MRPL22: variants seen among roughly 807,000 people sequenced by gnomAD.
The protein encoded by MRPL22 is mitochondrial ribosomal protein L22, also known as large ribosomal subunit protein uL22m.
MRPL22 carries 27 observed loss-of-function variants against 32.4 expected under a neutral mutation model. That is an observed-to-expected ratio of 0.83 (90% CI 0.61 to 1.15). The LOEUF is 1.15. Ranked by LOEUF, MRPL22 falls within the 50% of genes most tolerant of loss-of-function variation. The pLI is 0.00. For synonymous variants in MRPL22, 86 were observed against 87.3 expected (o/e 0.99, Z 0.08); for missense variants, 239 against 260.2 (o/e 0.92, Z 0.56).
intron 6 of MRPL22, among the ~76,000 whole-genome samples, chr5:154,964,975 T>G (rs888666346): frequency 2.0e-5 from 3 of 152,206 alleles, no homozygotes; most frequent in Non-Finnish European, 4.4e-5. Flanking sequence ...TGGGGTTTCC[T>G]TATAAAGTGA....
intron 5 of MRPL22, among the ~76,000 whole-genome samples, chr5:154,957,914 C>CTTTT (rs912216773): frequency 4.0e-4 from 48 of 120,856 alleles, no homozygotes; most frequent in African/African-American, 6.3e-4. Context: ...ATATATTTTT[C>CTTTT]TTTTTTTTTT....
In MRPL22 at chr5:154,967,245, A is replaced by G. The variant is rs543227533; in HGVS notation, c.*348A>G. 2 of 206,692 alleles carry G rather than the reference A, an allele frequency of 9.7e-6. No homozygotes were observed. The highest frequency in any genetic ancestry group is 1.8e-4 in the South Asian group (2 of 11,094). The allele number at this position is 206,692 out of a possible 1,614,324, so 12.8% of individuals were successfully genotyped here. A position where few individuals can be genotyped will look rare whatever the true frequency, so the allele number is the denominator to read the frequency against. ...TGAATACAGTGTTATGAGGTAAGAAAATTGCTTTTATTTCACTTAATTTTC... is the reference window on the plus strand; with the variant it reads ...TGAATACAGTGTTATGAGGTAAGAAGATTGCTTTTATTTCACTTAATTTTC... On this transcript the variant is annotated 3_prime_UTR_variant, in exon 7 of 7. Transcript: ENST00000523037. The surrounding 1 kb of genome is among the most constrained non-coding windows in gnomAD (Gnocchi z 4.7).
intron 2 of MRPL22, among the ~76,000 whole-genome samples, chr5:154,949,704 G>A (rs904922134): frequency 5.3e-5 from 8 of 152,138 alleles, no homozygotes; most frequent in Non-Finnish European, 8.8e-5. Context: ...GGGGAGTAGC[G>A]GATGCTGGGG....
At chr5:154,947,711 C>T (rs954665479) in intron 2 of MRPL22, among the ~76,000 whole-genome samples, 2 of 152,158 alleles carry the variant, frequency 1.3e-5, no homozygotes, top group African/African-American at 4.8e-5. Flanking sequence ...TTTAAATGCT[C>T]AACATCTGTA....
intron 2 of MRPL22, among the ~76,000 whole-genome samples, chr5:154,948,326 C>T (rs1054418276): frequency 1.3e-5 from 2 of 152,158 alleles, no homozygotes; most frequent in African/African-American, 2.4e-5. Context: ...CCAATGGCTT[C>T]GTAACTGTCA....
chr5:154,953,362 GAAAAAAA>G (rs573134537), intron 3 of MRPL22, among the ~76,000 whole-genome samples: 28 of 69,264 alleles, frequency 4.0e-4, no homozygotes, highest in Admixed American at 2.6e-3. Context: ...CGTCTCAGGA[GAAAAAAA>G]AAAAAAAAAA....
In MRPL22 at chr5:154,953,681, CTT is replaced by C. The variant is rs772873962; in HGVS notation, c.196-2668_196-2667del. ...GAATCTCATAAAGCTCTAGTAAGAA[CTT>C]TTTTTTTTTTTTTTTTTTTTTGAGA... On this transcript the variant is annotated intron_variant, in intron 3 of 6. Transcript: ENST00000523037. 8.8e-4 allele frequency among the ~76,000 whole-genome samples: 94 copies of C among 107,090 alleles called. 1 individual carries two copies. Among genetic ancestry groups the C allele is most frequent in the African/African-American group, 2.2e-3 (63 of 28,992 alleles). 70.3% of individuals were successfully genotyped at this position (107,090 alleles called of 152,430 possible).
chr5:154,950,021 G>C (rs1764538192), intron 2 of MRPL22, among the ~76,000 whole-genome samples: 1 of 152,122 alleles, frequency 6.6e-6, no homozygotes, highest in South Asian at 2.1e-4. Context: ...ACCTGAGACT[G>C]GGTAACTCAT....
rs1764790329 is a variant in MRPL22, at chr5:154,967,929, T to A, written c.*1032T>A. On this transcript the variant is annotated 3_prime_UTR_variant, in exon 7 of 7. Coordinates refer to ENST00000523037, the MANE Select transcript of MRPL22 (RefSeq NM_014180.4). The surrounding 1 kb of genome is among the most constrained non-coding windows in gnomAD (Gnocchi z 4.7). ...AATTCTGTTGTAGGGGACTACGCTTTGAGAATACGGCTTTAGGAGAATGAA... is the reference window on the plus strand; with the variant it reads ...AATTCTGTTGTAGGGGACTACGCTTAGAGAATACGGCTTTAGGAGAATGAA... 1 of 152,224 alleles carries A rather than the reference T, an allele frequency of 6.6e-6. No individual in the cohort carries two copies. The highest frequency in any genetic ancestry group is 2.1e-4 in the South Asian group (1 of 4,836). The allele number at this position is 152,224 out of a possible 1,614,324, so 9.4% of individuals were successfully genotyped here.
intron 6 of MRPL22, among the ~76,000 whole-genome samples, chr5:154,963,948 A>T (rs1245519433): frequency 1.3e-5 from 2 of 152,142 alleles, no homozygotes; most frequent in African/African-American, 4.8e-5. Flanking sequence ...CATAGGTTGG[A>T]ATAAGCAGTA....
At chr5:154,958,538 C>CTTTTTTT (rs201113350) in intron 5 of MRPL22, among the ~76,000 whole-genome samples, 60 of 83,304 alleles carry the variant, frequency 7.2e-4, no homozygotes, top group East Asian at 1.2e-3. Flanking sequence ...TGACAATTGT[C>CTTTTTTT]TTTTTTTTTT....
At chr5:154,957,052 ATTATG>A in intron 4 of MRPL22, 78 bp from the exon 5 acceptor site, 1 of 1,308,642 alleles carries the variant, frequency 7.6e-7, no homozygotes, top group Admixed American at 2.0e-5. Flanking sequence ...AGTTACTCAA[ATTATG>A]TAAGACTTTC....
intron 2 of MRPL22, among the ~76,000 whole-genome samples, chr5:154,947,282 G>T (rs188085876): frequency 2.0e-5 from 3 of 152,160 alleles, no homozygotes; most frequent in Non-Finnish European, 4.4e-5. Flanking sequence ...AGGTCTGCTC[G>T]ACTCTGTAGC....
At chr5:154,953,954 G>A (rs1208881103) in intron 3 of MRPL22, among the ~76,000 whole-genome samples, 3 of 150,770 alleles carry the variant, frequency 2.0e-5, no homozygotes, top group Admixed American at 6.6e-5. Flanking sequence ...CCAAAGTGTT[G>A]GGATTACAGA....
intron 3 of MRPL22, chr5:154,955,390 G>A (rs1338123418): frequency 6.6e-6 from 1 of 152,120 alleles, no homozygotes; most frequent in Non-Finnish European, 1.5e-5. Flanking sequence ...CATAACACAT[G>A]TTTTCTAATT....
intron 3 of MRPL22, among the ~76,000 whole-genome samples, chr5:154,954,675 C>G (rs2113539320): frequency 6.6e-6 from 1 of 152,278 alleles, no homozygotes; most frequent in East Asian, 1.9e-4. Flanking sequence ...TTCCTTTTTG[C>G]CATCCTCTGG....
chr5:154,941,096 G>T lies in MRPL22; in HGVS notation c.-15G>T, dbSNP rs772575457. On this transcript the variant is annotated 5_prime_UTR_variant, in exon 1 of 7. Transcript: ENST00000523037. ...GCGCTTGAACTCGGCGGCTTCCGTA[G>T]CGGGAGGGCGAAAGATGGCGGCGGC... 12 of 1,613,650 alleles carry T rather than the reference G, an allele frequency of 7.4e-6. No homozygotes were observed. The Middle Eastern group carries it at 5.3e-4, about 72-fold the overall frequency.
chr5:154,943,579 T>C (rs77943522), intron 2 of MRPL22, among the ~76,000 whole-genome samples: 197 of 127,128 alleles, frequency 1.5e-3, no homozygotes, highest in African/African-American at 4.1e-3. Context: ...TATATATATA[T>C]ACACACATAT....
chr5:154,953,362 G>GAAAAAA (rs573134537), intron 3 of MRPL22, among the ~76,000 whole-genome samples: 3 of 69,258 alleles, frequency 4.3e-5, no homozygotes, highest in South Asian at 6.8e-4. Flanking sequence ...CGTCTCAGGA[G>GAAAAAA]AAAAAAAAAA....
Sources: gnomAD v4.1 joint callset for allele counts (sites outside exome capture counted in the v4.1 genomes callset) on GRCh38, gnomAD v4.1.1 for gene constraint, Gnocchi (gnomAD v3.1) non-coding constraint, MANE v1.5 for transcripts, NCBI Gene and HGNC (gene_info 2026-07-23, HGNC 2026-07-21) for gene names.